Variants in R3HDM1 observed in about 807,000 individuals in gnomAD.
R3HDM1 encodes the protein R3H domain containing 1, also known as R3H domain-containing protein 1.
A neutral mutation model predicts 141.1 loss-of-function variants in R3HDM1; 46 were observed. The observed-to-expected ratio is 0.33, with a 90% CI of 0.26 to 0.42. R3HDM1 has a LOEUF of 0.42. R3HDM1 is among the 10% of genes least tolerant of loss of function. R3HDM1 has a pLI of 1.00. For synonymous variants in R3HDM1, 435 were observed against 472.9 expected (o/e 0.92, Z 1.04); for missense variants, 1,184 against 1,368.3 (o/e 0.87, Z 2.12).
At chr2:135,651,610 TATATA>T in intron 17 of R3HDM1, 115 bp from the exon 18 acceptor site, 1 of 1,347,942 alleles carries the variant, frequency 7.4e-7, no homozygotes, top group Non-Finnish European at 9.6e-7. Flanking sequence ...CTGTTGTTGA[TATATA>T]TAATTTCCAT....
chr2:135,590,802 A>G, intron 1 of R3HDM1: 1 of 875,562 alleles, frequency 1.1e-6, no homozygotes, highest in African/African-American at 1.8e-5. Flanking sequence ...AGATGATGGC[A>G]ACTGAAAGAC....
intron 21 of R3HDM1, among the ~76,000 whole-genome samples, chr2:135,704,396 A>C (rs1258530822): frequency 6.6e-6 from 1 of 152,202 alleles, no homozygotes. Flanking sequence ...TTAACTTTCT[A>C]CTATAACATT....
At chr2:135,673,744 A>G (rs779075023) in intron 19 of R3HDM1, among the ~76,000 whole-genome samples, 5 of 152,240 alleles carry the variant, frequency 3.3e-5, no homozygotes, top group Non-Finnish European at 7.3e-5. Context: ...TAGTTTTGCC[A>G]TAGAAATAAC....
chr2:135,670,154 A>AG (rs1315239826), intron 19 of R3HDM1: 1 of 325,156 alleles, frequency 3.1e-6, no homozygotes, highest in African/African-American at 2.3e-5. Context: ...AAAAAAAAAA[A>AG]AAAACCAACA....
intron 1 of R3HDM1, among the ~76,000 whole-genome samples, chr2:135,576,292 C>T (rs1024188692): frequency 1.3e-5 from 2 of 151,702 alleles, no homozygotes; most frequent in Non-Finnish European, 2.9e-5. Flanking sequence ...TGCTTGAACC[C>T]GGGACATCCA....
At chr2:135,697,542 G>A (rs1275781190) in intron 21 of R3HDM1, among the ~76,000 whole-genome samples, 1 of 152,180 alleles carries the variant, frequency 6.6e-6, no homozygotes, top group Non-Finnish European at 1.5e-5. Flanking sequence ...ATATTTTGAT[G>A]TATTCATTTC....
At chr2:135,651,616 T>TC in intron 17 of R3HDM1, 114 bp from the exon 18 acceptor site, 1 of 1,374,610 alleles carries the variant, frequency 7.3e-7, no homozygotes, top group Non-Finnish European at 9.5e-7. Flanking sequence ...TTGATATATA[T>TC]AATTTCCATA....
At chr2:135,694,611 T>A (rs888302569) in intron 21 of R3HDM1, among the ~76,000 whole-genome samples, 2 of 152,122 alleles carry the variant, frequency 1.3e-5, no homozygotes, top group Non-Finnish European at 2.9e-5. Context: ...AAGTGAGTCT[T>A]AGGATTGCCC....
At chr2:135,544,693 A>ACT (rs1356878382) in intron 1 of R3HDM1, among the ~76,000 whole-genome samples, 1 of 152,114 alleles carries the variant, frequency 6.6e-6, no homozygotes, top group Non-Finnish European at 1.5e-5. Flanking sequence ...ATGGTGGCTC[A>ACT]CTCACGCCTG....
intron 1 of R3HDM1, among the ~76,000 whole-genome samples, chr2:135,533,725 A>G (rs1395030655): frequency 6.6e-6 from 1 of 152,136 alleles, no homozygotes; most frequent in East Asian, 1.9e-4. Context: ...TGAAAATACA[A>G]AAAATTAGTC....
intron 25 of R3HDM1, 108 bp downstream of exon 25, chr2:135,722,114 C>T: frequency 1.9e-6 from 2 of 1,056,464 alleles, no homozygotes; most frequent in Non-Finnish European, 2.9e-6. Context: ...AAGAAGAGCT[C>T]TGTGCCTCAG....
chr2:135,616,793 G>C (rs776223025), intron 5 of R3HDM1, 36 bp downstream of exon 5: 66 of 1,483,754 alleles, frequency 4.4e-5, no homozygotes, highest in Non-Finnish European at 6.0e-5. Flanking sequence ...TCAAGACATG[G>C]TGGAACTGGA....
intron 1 of R3HDM1, among the ~76,000 whole-genome samples, chr2:135,575,943 GA>G (rs1559153771): frequency 1.3e-5 from 2 of 152,082 alleles, no homozygotes. Flanking sequence ...GAAGAAACTG[GA>G]AAAGAAAAAC....
chr2:135,615,756 T>G (rs1345590143), intron 3 of R3HDM1, among the ~76,000 whole-genome samples: 2 of 152,216 alleles, frequency 1.3e-5, no homozygotes, highest in Non-Finnish European at 2.9e-5. Context: ...TTATCCACCT[T>G]TAACTGCTGG....
chr2:135,576,244 G>T (rs1705392765), intron 1 of R3HDM1, among the ~76,000 whole-genome samples: 1 of 151,916 alleles, frequency 6.6e-6, no homozygotes, highest in Non-Finnish European at 1.5e-5. Flanking sequence ...AAATTAGCAG[G>T]CATGGTGGCT....
At chr2:135,719,437 C>G (rs1040923717) in intron 24 of R3HDM1, among the ~76,000 whole-genome samples, 1 of 151,340 alleles carries the variant, frequency 6.6e-6, no homozygotes, top group Non-Finnish European at 1.5e-5. Context: ...GAGATGGTGC[C>G]ACTGCACTCC....
chr2:135,606,157 T>C (rs1187428839), intron 3 of R3HDM1: 1 of 152,274 alleles, frequency 6.6e-6, no homozygotes, highest in African/African-American at 2.4e-5. Flanking sequence ...GTCTGGCACC[T>C]AGGTAGGCAA....
intron 1 of R3HDM1, among the ~76,000 whole-genome samples, chr2:135,600,292 C>T (rs1471935171): frequency 2.6e-5 from 4 of 151,850 alleles, no homozygotes; most frequent in Non-Finnish European, 5.9e-5. Flanking sequence ...CAAATGAGAG[C>T]CATACACAAA....
chr2:135,638,855 C>A (rs113916747), intron 13 of R3HDM1, 41 bp from the exon 14 acceptor site: 2 of 1,610,666 alleles, frequency 1.2e-6, no homozygotes, highest in Non-Finnish European at 1.7e-6. Flanking sequence ...ACTTTTTGTT[C>A]CCCTGCATTA....
Sources: gnomAD v4.1 joint callset for allele counts (sites outside exome capture counted in the v4.1 genomes callset) on GRCh38, gnomAD v4.1.1 for gene constraint, MANE v1.5 for transcripts, NCBI Gene and HGNC (gene_info 2026-07-23, HGNC 2026-07-21) for gene names.